AKAP13: variants seen among roughly 807,000 people sequenced by gnomAD.
AKAP13 encodes the protein A-kinase anchor protein 13.
A neutral mutation model predicts 264.5 loss-of-function variants in AKAP13; 80 were observed. The observed-to-expected ratio is 0.30, with a 90% confidence interval of 0.25 to 0.36. AKAP13 has a LOEUF of 0.36. Ranked by LOEUF, AKAP13 falls within the 10% of genes least tolerant of loss-of-function variation. The pLI, the probability that AKAP13 is intolerant of heterozygous loss-of-function variation, is 1.00. For missense variants in AKAP13, 3,712 were observed against 3,435.2 expected, an observed-to-expected ratio of 1.08 and a Z score of -2.01; for synonymous variants, 1,380 against 1,250.2, an observed-to-expected ratio of 1.10 and a Z score of -2.19.
At chr15:85,640,073 T>C (rs1339137141) in intron 9 of AKAP13, among the ~76,000 whole-genome samples, 1 of 152,194 alleles carries the variant, frequency 6.6e-6, no homozygotes, top group Non-Finnish European at 1.5e-5. Context: ...TTGTGATTAG[T>C]TAGGATTCCC....
At chr15:85,689,756 C>T (rs1028558739) in intron 16 of AKAP13, 1 of 152,248 alleles carries the variant, frequency 6.6e-6, no homozygotes, top group African/African-American at 2.4e-5. Flanking sequence ...TGCTTAAGCA[C>T]TGTCCACACA....
rs16977957 is a variant in AKAP13 at position 85,413,806 on chromosome 15, C to T, written c.-12+33008C>T. 1.4e-4 allele frequency among the ~76,000 whole-genome samples: 22 copies of T among 152,168 alleles called. No individual in the cohort carries two copies. In the East Asian group the frequency reaches 3.7e-3, roughly 25 times the overall value. On this transcript the variant is annotated intron_variant, in intron 1 of 36. Transcript: ENST00000394518. ...TCAGAAGCATTTATATTCACAGTAT[C>T]CCACGTGCCCTACTAACTCAACTTT...
intron 1 of AKAP13, among the ~76,000 whole-genome samples, chr15:85,455,395 C>T (rs1358773404): frequency 6.6e-6 from 1 of 152,064 alleles, no homozygotes; most frequent in Non-Finnish European, 1.5e-5. Context: ...CAGTGGGACA[C>T]GAGGCATATT....
rs776338744 is a variant in AKAP13 at position 85,655,517 on chromosome 15, C to T, written c.4475C>T (p.Ser1492Phe). The T allele has an allele frequency of 1.2e-6, 2 of 1,614,230 alleles. No homozygotes were observed. Among genetic ancestry groups the T allele is most frequent in the Non-Finnish European group, 1.7e-6 (2 of 1,180,042 alleles). The change falls in exon 11 of 37, where the codon TCT (serine) becomes TTT (phenylalanine). Residue 1492 changes from serine to phenylalanine, a missense_variant. Around this residue, in one of 3 missense-constraint regions of AKAP13, gnomAD observed 2,759 missense variants for 2,411.7 expected, o/e 1.14. Coordinates refer to ENST00000394518, the MANE Select transcript of AKAP13 (RefSeq NM_007200.5). ...DRHSSHGSDVSLSQILKPNRS... is the reference protein window; with the variant it reads ...DRHSSHGSDVFLSQILKPNRS... Reference sequence around the variant, plus strand: ...CATTCTTCTCATGGCAGTGATGTGTCTCTCTCCCAGATTTTAAAGCCAAAC... The same window carrying T: ...CATTCTTCTCATGGCAGTGATGTGTTTCTCTCCCAGATTTTAAAGCCAAAC...
Position 85,579,955 on chromosome 15 carries a change from A to G in AKAP13, c.1887A>G (p.Val629=). The G allele has an allele frequency of 6.2e-7, 1 of 1,614,182 alleles. No individual in the cohort carries two copies. The highest frequency in any genetic ancestry group is 8.5e-7 in the Non-Finnish European group (1 of 1,180,020). ...DLALLGLEED[V]MPHQNSETNS... Reference sequence around the variant, plus strand: ...CCCTTCTTGGGCTGGAAGAAGATGTAATGCCACACCAGAACTCAGAAACAA... The same window carrying G: ...CCCTTCTTGGGCTGGAAGAAGATGTGATGCCACACCAGAACTCAGAAACAA... Residue 629 remains valine (V), a synonymous_variant, in exon 7 of 37, where the codon GTA becomes GTG. Coordinates refer to ENST00000394518, the MANE Select transcript of AKAP13 (RefSeq NM_007200.5).
In AKAP13 at chr15:85,724,701, GT is replaced by G. The variant is rs987603192; in HGVS notation, c.6745+1382del. 7.9e-5 allele frequency among the ~76,000 whole-genome samples: 12 copies of G among 151,832 alleles called. No homozygotes were observed. The highest frequency in any genetic ancestry group is 2.7e-4 in the African/African-American group (11 of 41,412). ...GGCAAGCAGGAGAGGGATACATGAG[GT>G]GGTTTTTCAGTATGACAACTAGGGG... On this transcript the variant is annotated intron_variant, in intron 26 of 36. Transcript: ENST00000394518. The surrounding 1 kb of genome is among the most constrained non-coding windows in gnomAD (Gnocchi z 4.2).
intron 2 of AKAP13, among the ~76,000 whole-genome samples, chr15:85,512,599 G>C (rs79485733): frequency 6.6e-6 from 1 of 152,002 alleles, no homozygotes; most frequent in Non-Finnish European, 1.5e-5. Flanking sequence ...TTGAATTCCC[G>C]CTTGACCCCT....
chr15:85,691,348 G>A (rs778186212), intron 16 of AKAP13, among the ~76,000 whole-genome samples: 9 of 152,150 alleles, frequency 5.9e-5, no homozygotes, highest in Non-Finnish European at 8.8e-5. Flanking sequence ...TTTATGGAGA[G>A]CATGGTTATA....
chr15:85,578,446 C>T (rs1326323271), intron 6 of AKAP13, among the ~76,000 whole-genome samples: 1 of 152,104 alleles, frequency 6.6e-6, no homozygotes, highest in Non-Finnish European at 1.5e-5. Context: ...CTCCCGGGTA[C>T]AAGCAATTCT....
chr15:85,658,123 T>C (rs1185212345), intron 11 of AKAP13, among the ~76,000 whole-genome samples: 3 of 152,204 alleles, frequency 2.0e-5, no homozygotes, highest in African/African-American at 7.2e-5. Context: ...CTAGGACCAC[T>C]GTCCTAATAC....
chr15:85,726,470 A>G lies in AKAP13; in HGVS notation c.6806A>G (p.Tyr2269Cys). 1.2e-6 allele frequency: 2 copies of G among 1,613,032 alleles called. No individual in the cohort carries two copies. The highest frequency in any genetic ancestry group is 1.7e-6 in the Non-Finnish European group (2 of 1,179,058). Residue 2269 changes from tyrosine (Y) to cysteine (C), a missense_variant, in exon 27 of 37, where the codon TAC (tyrosine) becomes TGC (cysteine). This residue lies in a region of AKAP13 where 342 missense variants were observed against 484.3 expected (regional missense o/e 0.71). Transcript: ENST00000394518. ...TTCCTTCAAGAAAAAGACCAGAAGT[A>G]CATCTTTGCATCATTGGTAAGCTGA... ...LVFLQEKDQKYIFASLDQKST... is the reference protein window; with the variant it reads ...LVFLQEKDQKCIFASLDQKST...
At chr15:85,382,239 A>AT (rs1161952781) in intron 1 of AKAP13, 1 of 152,216 alleles carries the variant, frequency 6.6e-6, no homozygotes, top group African/African-American at 2.4e-5. Context: ...AAAAAGAAAA[A>AT]TTTGAGAAAT....
intron 1 of AKAP13, among the ~76,000 whole-genome samples, chr15:85,484,348 G>A (rs2075457738): frequency 6.6e-6 from 1 of 152,206 alleles, no homozygotes; most frequent in Non-Finnish European, 1.5e-5. Context: ...GATTTCTGCA[G>A]ATAATTTTTG....
chr15:85,746,580 A>G lies in AKAP13; in HGVS notation c.*1903A>G, dbSNP rs1281761157. The G allele has an allele frequency of 6.6e-6, 1 of 151,782 alleles. No homozygotes were observed. Among genetic ancestry groups the G allele is most frequent in the Non-Finnish European group, 1.5e-5 (1 of 67,982 alleles). The allele number at this position is 151,782 out of a possible 1,614,324, so 9.4% of individuals were successfully genotyped here. Reference sequence around the variant, plus strand: ...CCTTTTTCTGTCATGGAGAATACTCACCCTTCAGAAACAGACCAAAGGCCA... The same window carrying G: ...CCTTTTTCTGTCATGGAGAATACTCGCCCTTCAGAAACAGACCAAAGGCCA... On this transcript the variant is annotated 3_prime_UTR_variant, in exon 37 of 37. Coordinates refer to ENST00000394518, the MANE Select transcript of AKAP13 (RefSeq NM_007200.5).
intron 11 of AKAP13, among the ~76,000 whole-genome samples, chr15:85,657,830 A>C (rs1284288063): frequency 6.6e-6 from 1 of 152,048 alleles, no homozygotes; most frequent in East Asian, 1.9e-4. Flanking sequence ...TCTTATCTTA[A>C]ATGATAACAG....
intron 13 of AKAP13, 112 bp from the exon 14 acceptor site, chr15:85,669,610 C>A: frequency 1.4e-6 from 1 of 725,672 alleles, no homozygotes; most frequent in Non-Finnish European, 2.3e-6. Flanking sequence ...TGCTCTCACC[C>A]GCTTCTTCAC....
intron 1 of AKAP13, among the ~76,000 whole-genome samples, chr15:85,469,665 TAA>T (rs1345926078): frequency 3.3e-5 from 5 of 152,222 alleles, no homozygotes; most frequent in Admixed American, 3.3e-4. Flanking sequence ...CATCTGTTAA[TAA>T]GTGTGCACAT....
chr15:85,704,084 A>T (rs913325966), intron 17 of AKAP13, among the ~76,000 whole-genome samples: 4 of 152,114 alleles, frequency 2.6e-5, no homozygotes, highest in Non-Finnish European at 4.4e-5. Context: ...TAATTCCTCA[A>T]CTTGTGTCCT....
At chr15:85,535,581 T>G (rs1026066089) in intron 4 of AKAP13, 1 of 152,202 alleles carries the variant, frequency 6.6e-6, no homozygotes, top group African/African-American at 2.4e-5. Flanking sequence ...TATTTCTGTA[T>G]TGATACAGGA....
Sources: gnomAD v4.1 joint callset for allele counts (sites outside exome capture counted in the v4.1 genomes callset) on GRCh38, gnomAD v4.1.1 for gene constraint, gnomAD v4.1.1 regional missense constraint, Gnocchi (gnomAD v3.1) non-coding constraint, MANE v1.5 for transcripts, NCBI Gene and HGNC (gene_info 2026-07-23, HGNC 2026-07-21) for gene names.